TMEM67: variants seen among roughly 807,000 people sequenced by gnomAD.
TMEM67 encodes meckelin.
TMEM67 carries 124 observed loss-of-function variants against 136.6 expected under a neutral mutation model. The observed-to-expected ratio is 0.91, with a 90% CI of 0.78 to 1.05. TMEM67 has a LOEUF of 1.05. TMEM67 is among the 50% of genes least tolerant of loss of function. The pLI, the probability that TMEM67 is intolerant of heterozygous loss-of-function variation, is 0.00. For missense variants in TMEM67, 1,107 were observed against 1,178.4 expected, an observed-to-expected ratio of 0.94 and a Z score of 0.89; for synonymous variants, 364 against 390.5, an observed-to-expected ratio of 0.93 and a Z score of 0.80.
the TMEM67 span, among the ~76,000 whole-genome samples, chr8:93,830,101 A>G: frequency 1.3e-5 from 2 of 152,190 alleles, no homozygotes; most frequent in Admixed American, 6.5e-5. Flanking sequence ...CACTCAGTCT[A>G]TTAGCATTAG....
chr8:93,803,431 C>T lies in TMEM67; in HGVS notation c.2242-173C>T, dbSNP rs530440209. Reference sequence around the variant, plus strand: ...GACTCAACACAATTCTAAAATCCTCCTCCCTTTGACAGAAGAGTCAGAAAT... The same window carrying T: ...GACTCAACACAATTCTAAAATCCTCTTCCCTTTGACAGAAGAGTCAGAAAT... On this transcript the variant is annotated intron_variant, in intron 21 of 27. Transcript: ENST00000453321. Among the ~76,000 whole-genome samples, 35 of 152,294 alleles carry T rather than the reference C, an allele frequency of 2.3e-4. 1 individual carries two copies. In the South Asian group the frequency reaches 6.6e-3, roughly 29 times the overall value.
Position 93,795,786 on chromosome 8 carries a change from G to A in TMEM67, c.1774-115G>A. 2.6e-6 allele frequency: 2 copies of A among 781,000 alleles called. 1 individual carries two copies. The highest frequency in any genetic ancestry group is 4.7e-5 in the Admixed American group (2 of 42,314). The allele number at this position is 781,000 out of a possible 1,614,324, so 48.4% of individuals were successfully genotyped here. A position where few individuals can be genotyped will look rare whatever the true frequency, so the allele number is the denominator to read the frequency against. On this transcript the variant is annotated intron_variant, in intron 17 of 27. Coordinates refer to ENST00000453321, the MANE Select transcript of TMEM67 (RefSeq NM_153704.6). ...GAGTCCAGAATCAAGTCCTGCCCGG[G>A]CAGCATACTGAGACCCTCCTTTCCC...
In TMEM67 at chr8:93,755,673, T is replaced by G. The variant is rs571094054; in HGVS notation, c.224-105T>G. On this transcript the variant is annotated intron_variant, in intron 1 of 27. Coordinates refer to ENST00000453321, the MANE Select transcript of TMEM67 (RefSeq NM_153704.6). ...AGAATCCTGCTGTTAATCACTATAC[T>G]GCTTCTCAAGATCTTCAGACTTATT... The G allele has an allele frequency of 3.9e-6, 3 of 776,280 alleles. No individual in the cohort carries two copies. In the South Asian group the frequency reaches 5.1e-5, roughly 13 times the overall value. 48.1% of individuals were successfully genotyped at this position (776,280 alleles called of 1,614,324 possible).
downstream of TMEM67, among the ~76,000 whole-genome samples, chr8:93,818,470 C>T (rs144024219): frequency 1.1e-4 from 16 of 152,306 alleles, no homozygotes; most frequent in East Asian, 3.1e-3. Context: ...GAAGGCTTTG[C>T]TGATGACCTA....
intron 26 of TMEM67, among the ~76,000 whole-genome samples, chr8:93,814,448 C>T (rs1808827717): frequency 7.1e-6 from 1 of 141,602 alleles, no homozygotes; most frequent in Non-Finnish European, 1.5e-5. Flanking sequence ...AGATCTATAG[C>T]TTTCATCGGG....
chr8:93,790,104 A>T (rs1273683683), intron 14 of TMEM67, among the ~76,000 whole-genome samples: 3 of 152,180 alleles, frequency 2.0e-5, no homozygotes, highest in Middle Eastern at 3.4e-3. Flanking sequence ...AACTACATTG[A>T]TGAAGTCCAC....
chr8:93,828,922 A>G, the TMEM67 span, among the ~76,000 whole-genome samples: 1 of 152,168 alleles, frequency 6.6e-6, no homozygotes, highest in Admixed American at 6.5e-5. Flanking sequence ...TGTTAACACT[A>G]GTTGTTTTAA....
chr8:93,780,824 A>G, intron 8 of TMEM67, 50 bp from the exon 9 acceptor site: 1 of 1,591,196 alleles, frequency 6.3e-7, no homozygotes, highest in Non-Finnish European at 8.6e-7. Flanking sequence ...AAATACTAAT[A>G]ATAAGAAATA....
intron 21 of TMEM67, among the ~76,000 whole-genome samples, chr8:93,803,290 G>A (rs967727963): frequency 2.0e-5 from 3 of 152,044 alleles, no homozygotes; most frequent in African/African-American, 7.2e-5. Flanking sequence ...TCTGACCATC[G>A]ATGCATTGAT....
downstream of TMEM67, among the ~76,000 whole-genome samples, chr8:93,824,082 G>T (rs1191296925): frequency 6.6e-6 from 1 of 152,196 alleles, no homozygotes; most frequent in African/African-American, 2.4e-5. Context: ...TTCTTTTGCA[G>T]CTGCTCTCAT....
At chr8:93,782,482 C>A in intron 11 of TMEM67, 22 bp downstream of exon 11, 1 of 1,569,948 alleles carries the variant, frequency 6.4e-7, no homozygotes. Flanking sequence ...CGATATTAGT[C>A]TATATTTTAG....
intron 7 of TMEM67, among the ~76,000 whole-genome samples, chr8:93,775,299 G>T (rs1218235399): frequency 6.6e-6 from 1 of 152,170 alleles, no homozygotes; most frequent in Non-Finnish European, 1.5e-5. Flanking sequence ...CCATTGTGTA[G>T]GTTGTGTGTT....
At chr8:93,824,187 T>C (rs146259453), downstream of TMEM67, among the ~76,000 whole-genome samples, 618 of 152,334 alleles carry the variant, frequency 4.1e-3, 6 homozygotes, top group African/African-American at 0.015. Context: ...ATGTCACTTA[T>C]TGAGCTTTGA....
At chr8:93,771,718 G>A (rs1025240766) in intron 6 of TMEM67, among the ~76,000 whole-genome samples, 1 of 152,062 alleles carries the variant, frequency 6.6e-6, no homozygotes, top group Non-Finnish European at 1.5e-5. Context: ...CATTGTATGT[G>A]GCTCCATTTT....
In TMEM67 at chr8:93,786,456, G is replaced by A. The variant is rs115308898; in HGVS notation, c.1412+110G>A. On this transcript the variant is annotated intron_variant, in intron 13 of 27. Coordinates refer to ENST00000453321, the MANE Select transcript of TMEM67 (RefSeq NM_153704.6). The stretch of plus-strand genomic sequence containing the variant: ...GACAACTGAATTGGAACAGTTGGTC[G>A]GGTTATTTTAGGTGTATGTGTAGAT... 1.0e-3 allele frequency: 1,310 copies of A among 1,312,322 alleles called. 10 individuals carry two copies. In the African/African-American group the frequency reaches 0.016, roughly 16 times the overall value. The allele number at this position is 1,312,322 out of a possible 1,614,324, so 81.3% of individuals were successfully genotyped here. A position where few individuals can be genotyped will look rare whatever the true frequency, so the allele number is the denominator to read the frequency against.
rs954357981 is a variant in TMEM67, at chr8:93,817,527, A to G, written c.*1075A>G. 2 of 152,210 alleles carry G rather than the reference A, an allele frequency of 1.3e-5. No individual in the cohort carries two copies. The highest frequency in any genetic ancestry group is 4.8e-5 in the African/African-American group (2 of 41,440). The allele number at this position is 152,210 out of a possible 1,614,324, so 9.4% of individuals were successfully genotyped here. A position where few individuals can be genotyped will look rare whatever the true frequency, so the allele number is the denominator to read the frequency against. On this transcript the variant is annotated 3_prime_UTR_variant, in exon 28 of 28. Coordinates refer to ENST00000453321, the MANE Select transcript of TMEM67 (RefSeq NM_153704.6). ...TGACAGAGCAAGACCCTGTCTCAGA[A>G]AAAACAAAAACAAAACACTGTAAAT...
chr8:93,793,389 T>C, intron 16 of TMEM67, 93 bp downstream of exon 16: 1 of 1,089,936 alleles, frequency 9.2e-7, no homozygotes, highest in Non-Finnish European at 1.4e-6. Flanking sequence ...GTAAAAAAGT[T>C]GCATTGAATT....
intron 27 of TMEM67, among the ~76,000 whole-genome samples, chr8:93,815,896 C>T (rs1415776208): frequency 6.6e-6 from 1 of 152,136 alleles, no homozygotes; most frequent in Non-Finnish European, 1.5e-5. Context: ...GAGTGTGGAC[C>T]CTGAAATAGA....
intron 14 of TMEM67, among the ~76,000 whole-genome samples, chr8:93,789,667 TA>T (rs60577180): frequency 0.76 from 103,735 of 136,858 alleles, 39,954 homozygotes; most frequent in East Asian, 0.86. Flanking sequence ...TATATATATA[TA>T]TATTTTTTTT....
Sources: allele counts gnomAD v4.1 joint callset (sites outside exome capture counted in the v4.1 genomes callset), GRCh38; gene constraint gnomAD v4.1.1; transcripts MANE v1.5; gene names NCBI Gene and HGNC (gene_info 2026-07-23, HGNC 2026-07-21).